MARCHF6: variants seen among roughly 807,000 people sequenced by gnomAD.
MARCHF6 encodes the protein E3 ubiquitin-protein ligase MARCHF6.
Under a neutral mutation model 133.7 loss-of-function variants are expected in MARCHF6, and 31 were observed. The ratio of observed to expected loss-of-function variants is 0.23; its 90% CI spans 0.17 to 0.31. MARCHF6 has a LOEUF of 0.31. Ranked by LOEUF, MARCHF6 falls within the 10% of genes least tolerant of loss-of-function variation. The probability of loss-of-function intolerance (pLI) is 1.00; values close to 1 mark genes in which losing one functional copy is unlikely to be tolerated. For missense variants in MARCHF6, 723 were observed against 1,121.6 expected, an observed-to-expected ratio of 0.64 and a Z score of 5.08; for synonymous variants, 395 against 402.5, an observed-to-expected ratio of 0.98 and a Z score of 0.22.
chr5:10,381,790 C>T lies in MARCHF6; in HGVS notation c.191-10C>T. On this transcript the variant is annotated splice_polypyrimidine_tract_variant and intron_variant, in intron 3 of 25. Transcript: ENST00000274140. Reference sequence around the variant, plus strand: ...TCATGAAACTGTAAGTACTTTTTTTCCGCTTATAGTTTATTCTCCAGATAT... The same window carrying T: ...TCATGAAACTGTAAGTACTTTTTTTTCGCTTATAGTTTATTCTCCAGATAT... 2 of 1,560,706 alleles carry T rather than the reference C, an allele frequency of 1.3e-6. No individual in the cohort carries two copies. The highest frequency in any genetic ancestry group is 1.7e-6 in the Non-Finnish European group (2 of 1,158,660).
chr5:10,403,453 C>T lies in MARCHF6; in HGVS notation c.1244C>T (p.Ser415Leu), dbSNP rs1298433747. The T allele has an allele frequency of 9.3e-6, 15 of 1,613,656 alleles. No homozygotes were observed. Among genetic ancestry groups the T allele is most frequent in the South Asian group, 3.3e-5 (3 of 91,046 alleles). Residue 415 changes from serine to leucine, a missense_variant, in exon 15 of 26, where the codon TCG (serine) becomes TTG (leucine). Transcript: ENST00000274140. ...TLKDRELSFQ[S>L]APGTTMFLHW... The stretch of plus-strand genomic sequence containing the variant: ...AAAGATCGAGAACTGAGCTTTCAGT[C>T]GGCTCCAGGTACTACCATGTTTCTG...
chr5:10,364,789 T>C (rs749642668), intron 1 of MARCHF6, among the ~76,000 whole-genome samples: 10 of 152,196 alleles, frequency 6.6e-5, no homozygotes, highest in Non-Finnish European at 1.5e-4. Flanking sequence ...ATGGTTTCGC[T>C]GTTTCTCTGC....
intron 25 of MARCHF6, among the ~76,000 whole-genome samples, chr5:10,432,594 G>A (rs1427157667): frequency 3.3e-5 from 5 of 152,214 alleles, no homozygotes; most frequent in Non-Finnish European, 5.9e-5. Context: ...TGCAGCTGTC[G>A]CCCTTCCCTG....
chr5:10,390,595 A>G (rs1226790949), intron 6 of MARCHF6, 95 bp downstream of exon 6: 2 of 1,181,992 alleles, frequency 1.7e-6, no homozygotes, highest in African/African-American at 3.1e-5. Flanking sequence ...CATGTCCCTC[A>G]TAAACATTCT....
intron 1 of MARCHF6, among the ~76,000 whole-genome samples, chr5:10,374,194 C>G (rs2126680460): frequency 6.6e-6 from 1 of 152,304 alleles, no homozygotes; most frequent in East Asian, 1.9e-4. Flanking sequence ...ATATAGAACT[C>G]TTTCAAGGCC....
chr5:10,406,635 A>G (rs945760204), intron 16 of MARCHF6, among the ~76,000 whole-genome samples: 1 of 152,028 alleles, frequency 6.6e-6, no homozygotes, highest in Non-Finnish European at 1.5e-5. Context: ...TGATTCGCCC[A>G]CCTCAGCCTC....
At chr5:10,404,936 A>G (rs1738789490) in intron 15 of MARCHF6, among the ~76,000 whole-genome samples, 2 of 152,220 alleles carry the variant, frequency 1.3e-5, no homozygotes. Flanking sequence ...AATGCTTTAT[A>G]ATGATTTCTT....
intron 7 of MARCHF6, among the ~76,000 whole-genome samples, chr5:10,393,298 C>T (rs1737985709): frequency 6.6e-6 from 1 of 152,134 alleles, no homozygotes; most frequent in African/African-American, 2.4e-5. Context: ...TGGTCTTGAA[C>T]TCCTGGGCTC....
chr5:10,391,755 A>C lies in MARCHF6; in HGVS notation c.766+24A>C, dbSNP rs191957737. On this transcript the variant is annotated intron_variant, in intron 7 of 25. Coordinates refer to ENST00000274140, the MANE Select transcript of MARCHF6 (RefSeq NM_005885.4). ...GGGTAATGGCTGCTTGTGTGTCCTC[A>C]CTCTTCAGCACTGCAAATCTGTTCT... 6.5e-4 allele frequency: 963 copies of C among 1,475,396 alleles called. 14 individuals carry two copies. The South Asian group carries it at 9.4e-3, about 14-fold the overall frequency. 91.4% of individuals were successfully genotyped at this position (1,475,396 alleles called of 1,614,324 possible).
intron 4 of MARCHF6, among the ~76,000 whole-genome samples, chr5:10,382,668 A>C (rs1737229155): frequency 6.6e-6 from 1 of 152,064 alleles, no homozygotes. Context: ...CTCTACTGAA[A>C]ATACAAAAAT....
rs142445147 is a variant in MARCHF6, at chr5:10,408,066, A to C, written c.1553+864A>C. ...GTATTATCCCCACAGTCATTATCCC[A>C]ATTGCAGGCAAATTGGATTATTTCC... On this transcript the variant is annotated intron_variant, in intron 17 of 25. Transcript: ENST00000274140. Among the ~76,000 whole-genome samples, 1,132 of 151,764 alleles carry C rather than the reference A, an allele frequency of 7.5e-3. 11 individuals carry two copies. The highest frequency in any genetic ancestry group is 0.012 in the Non-Finnish European group (838 of 67,968).
intron 17 of MARCHF6, 30 bp from the exon 18 acceptor site, chr5:10,410,108 CA>C (rs1405308662): frequency 3.1e-6 from 5 of 1,609,754 alleles, no homozygotes; most frequent in Non-Finnish European, 4.2e-6. Flanking sequence ...ATGCAAAATA[CA>C]ATTCACATTA....
At chr5:10,414,629 A>G in intron 20 of MARCHF6, 127 bp downstream of exon 20, 1 of 692,462 alleles carries the variant, frequency 1.4e-6, no homozygotes, top group Non-Finnish European at 2.4e-6. Flanking sequence ...TGCAGCCTTG[A>G]ACTACTGGGC....
intron 1 of MARCHF6, among the ~76,000 whole-genome samples, chr5:10,355,214 C>T (rs1239775496): frequency 6.6e-6 from 1 of 152,196 alleles, no homozygotes; most frequent in African/African-American, 2.4e-5. Context: ...TGTAGCTAAT[C>T]GCCACTGGAG....
intron 19 of MARCHF6, among the ~76,000 whole-genome samples, chr5:10,413,879 C>T (rs1739363029): frequency 6.6e-6 from 1 of 152,182 alleles, no homozygotes; most frequent in African/African-American, 2.4e-5. Context: ...AGTGGGGACA[C>T]AGTCACACCA....
chr5:10,400,428 C>T (rs1165511947), intron 10 of MARCHF6, among the ~76,000 whole-genome samples: 1 of 152,102 alleles, frequency 6.6e-6, no homozygotes, highest in African/African-American at 2.4e-5. Flanking sequence ...TGCTTTTTCT[C>T]TTTTCGTGAT....
At chr5:10,405,098 A>G (rs959481896) in intron 15 of MARCHF6, among the ~76,000 whole-genome samples, 2 of 152,208 alleles carry the variant, frequency 1.3e-5, no homozygotes, top group Non-Finnish European at 2.9e-5. Flanking sequence ...AGGGTAACTC[A>G]GTGAGTTTGG....
intron 16 of MARCHF6, 100 bp from the exon 17 acceptor site, chr5:10,407,002 G>A: frequency 1.6e-6 from 1 of 623,042 alleles, no homozygotes; most frequent in South Asian, 2.3e-5. Flanking sequence ...GTAGACACAG[G>A]CCTGGACTGC....
At chr5:10,354,187 G>GCGTGGCCTCCCTTGTCCCCGC (rs1266262050) in intron 1 of MARCHF6, among the ~76,000 whole-genome samples, 2 of 152,080 alleles carry the variant, frequency 1.3e-5, no homozygotes, top group African/African-American at 4.8e-5. Flanking sequence ...CTGCAGGCCG[G>GCGTGGCCTCCCTTGTCCCCGC]CGTGGCCTCC....
Sources: allele counts gnomAD v4.1 joint callset (sites outside exome capture counted in the v4.1 genomes callset), GRCh38; gene constraint gnomAD v4.1.1; transcripts MANE v1.5; gene names NCBI Gene and HGNC (gene_info 2026-07-23, HGNC 2026-07-21).